RIMKLA: variants seen among roughly 807,000 people sequenced by gnomAD.
The protein encoded by RIMKLA is N-acetylaspartylglutamate synthase A.
Under a neutral mutation model 32.7 loss-of-function variants are expected in RIMKLA, and 14 were observed. The observed-to-expected ratio is 0.43, with a 90% CI of 0.28 to 0.67. The LOEUF (loss-of-function observed/expected upper bound fraction) is 0.67. Ranked by LOEUF, RIMKLA falls within the 30% of genes least tolerant of loss-of-function variation. RIMKLA has a pLI of 0.18. For synonymous variants in RIMKLA, 176 were observed against 204.1 expected, an observed-to-expected ratio of 0.86 and a Z score of 1.18; for missense variants, 410 against 519.0, an observed-to-expected ratio of 0.79 and a Z score of 2.04.
intron 4 of RIMKLA, among the ~76,000 whole-genome samples, chr1:42,412,171 T>C (rs1643204001): frequency 6.6e-6 from 1 of 152,176 alleles, no homozygotes; most frequent in African/African-American, 2.4e-5. Flanking sequence ...GAAGGGACAT[T>C]GTTAAGGTAA....
At chr1:42,413,979 C>T (rs1178971904) in intron 4 of RIMKLA, among the ~76,000 whole-genome samples, 5 of 151,396 alleles carry the variant, frequency 3.3e-5, no homozygotes, top group South Asian at 2.1e-4. Context: ...CTGGTCCAAA[C>T]GCTTGGCCTC....
intron 1 of RIMKLA, among the ~76,000 whole-genome samples, chr1:42,396,236 CAAAA>C (rs11363612): frequency 3.3e-5 from 2 of 60,902 alleles, no homozygotes; most frequent in African/African-American, 1.5e-4. Context: ...AACTCCATCT[CAAAA>C]AAAAAAAAAA....
chr1:42,384,523 GTATA>G (rs1434267142), intron 1 of RIMKLA, among the ~76,000 whole-genome samples: 6 of 142,636 alleles, frequency 4.2e-5, no homozygotes, highest in Non-Finnish European at 7.7e-5. Context: ...ATATATGTGT[GTATA>G]TATACATATA....
At chr1:42,386,835 A>T (rs1003607750) in intron 1 of RIMKLA, among the ~76,000 whole-genome samples, 15 of 151,740 alleles carry the variant, frequency 9.9e-5, no homozygotes, top group African/African-American at 3.4e-4. Flanking sequence ...CAGTGAGCTG[A>T]GATTACGCCA....
chr1:42,412,838 TA>T lies in RIMKLA; in HGVS notation c.686-1641del, dbSNP rs1643211714. On this transcript the variant is annotated intron_variant, in intron 4 of 4. Transcript: ENST00000431473. ...CGGAAGAAGGAGCCATCTCTCTTCT[TA>T]AAAATCAATAAATTGGCCAGGTGTG... The T allele has an allele frequency of 6.3e-5, 16 of 252,980 alleles. 1 individual carries two copies. The highest frequency in any genetic ancestry group is 5.9e-4 in the South Asian group (16 of 27,084). The allele number at this position is 252,980 out of a possible 1,614,324, so 15.7% of individuals were successfully genotyped here. A position where few individuals can be genotyped will look rare whatever the true frequency, so the allele number is the denominator to read the frequency against.
intron 3 of RIMKLA, among the ~76,000 whole-genome samples, chr1:42,407,351 TA>T (rs980582383): frequency 1.0e-5 from 1 of 98,262 alleles, no homozygotes; most frequent in Non-Finnish European, 2.4e-5. Context: ...CTAACTTGTC[TA>T]TTTTTTTTTG....
intron 4 of RIMKLA, among the ~76,000 whole-genome samples, chr1:42,411,651 T>TTA (rs1174733056): frequency 4.8e-5 from 1 of 20,756 alleles, no homozygotes; most frequent in Non-Finnish European, 1.1e-4. Context: ...ATTTTTATTA[T>TTA]TTATTTATTT....
chr1:42,411,939 G>C (rs975625696), intron 4 of RIMKLA, among the ~76,000 whole-genome samples: 1 of 152,088 alleles, frequency 6.6e-6, no homozygotes, highest in African/African-American at 2.4e-5. Context: ...CAAAGTGCTG[G>C]GATTACAGGT....
Position 42,414,027 on chromosome 1 carries a change from A to G in RIMKLA, c.686-457A>G, listed in dbSNP as rs572653938. On this transcript the variant is annotated intron_variant, in intron 4 of 4. Transcript: ENST00000431473. The stretch of plus-strand genomic sequence containing the variant: ...CACGTCAGCCTCCCAAAGTGCTGGG[A>G]TTACAGGCGTGAGTCACTGCACCCA... Among the ~76,000 whole-genome samples, 4 of 151,814 alleles carry G rather than the reference A, an allele frequency of 2.6e-5. No homozygotes were observed. The East Asian group carries it at 8.0e-4, about 30-fold the overall frequency.
chr1:42,384,073 G>A (rs1642913487), intron 1 of RIMKLA, among the ~76,000 whole-genome samples: 1 of 152,188 alleles, frequency 6.6e-6, no homozygotes, highest in African/African-American at 2.4e-5. Context: ...TATGGGCAGT[G>A]CCTCAGTCTA....
intron 2 of RIMKLA, among the ~76,000 whole-genome samples, chr1:42,403,937 C>G (rs1238658108): frequency 1.3e-5 from 2 of 152,218 alleles, no homozygotes; most frequent in Non-Finnish European, 2.9e-5. Flanking sequence ...TGGGGACATT[C>G]TCTGCTAGAG....
At chr1:42,392,828 C>T (rs1230373852) in intron 1 of RIMKLA, among the ~76,000 whole-genome samples, 1 of 152,020 alleles carries the variant, frequency 6.6e-6, no homozygotes, top group Non-Finnish European at 1.5e-5. Context: ...CCCGTCTCTA[C>T]AAAAAATACA....
Position 42,422,842 on chromosome 1 carries a change from C to G in RIMKLA, c.*7868C>G, listed in dbSNP as rs939634599. ...AAGATGATGGAGGAAAATACTAATG[C>G]AGATGGCGTGAGCTTGTCACGGGCC... On this transcript the variant is annotated 3_prime_UTR_variant, in exon 5 of 5. Transcript: ENST00000431473. Among the ~76,000 whole-genome samples, 1 of 152,192 alleles carries G rather than the reference C, an allele frequency of 6.6e-6. No homozygotes were observed. Among genetic ancestry groups the G allele is most frequent in the African/African-American group, 2.4e-5 (1 of 41,436 alleles).
chr1:42,393,151 TTC>T (rs1643014598), intron 1 of RIMKLA, among the ~76,000 whole-genome samples: 1 of 152,206 alleles, frequency 6.6e-6, no homozygotes, highest in Non-Finnish European at 1.5e-5. Context: ...CCTCATTCCC[TTC>T]TCTATGCCCC....
At chr1:42,406,152 C>T (rs988949523) in intron 3 of RIMKLA, among the ~76,000 whole-genome samples, 7 of 152,010 alleles carry the variant, frequency 4.6e-5, no homozygotes, top group African/African-American at 9.7e-5. Context: ...GAGTAGCTTA[C>T]GTTGTAGAAA....
intron 1 of RIMKLA, among the ~76,000 whole-genome samples, chr1:42,387,303 C>T (rs969573451): frequency 1.3e-5 from 2 of 152,000 alleles, no homozygotes; most frequent in African/African-American, 2.4e-5. Context: ...GTGGAATGCA[C>T]CTGTAGTCTC....
Position 42,381,012 on chromosome 1 carries a change from C to A in RIMKLA, c.78C>A (p.Leu26=). The A allele has an allele frequency of 7.0e-7, 1 of 1,428,960 alleles. No homozygotes were observed. The highest frequency in any genetic ancestry group is 9.2e-7 in the Non-Finnish European group (1 of 1,090,464). 88.5% of individuals were successfully genotyped at this position (1,428,960 alleles called of 1,614,324 possible). The part of the protein sequence containing the change: ...DYPQVQILRA[L]RQRCSEQDVR... ...CGCAGGTGCAGATCCTGCGCGCCCT[C>A]CGGCAGCGCTGCTCCGAGCAGGACG... Residue 26 remains leucine (L), a synonymous_variant, in exon 1 of 5, where the codon CTC becomes CTA. Transcript: ENST00000431473.
intron 1 of RIMKLA, among the ~76,000 whole-genome samples, chr1:42,393,883 C>T (rs528068973): frequency 6.6e-6 from 1 of 152,310 alleles, no homozygotes; most frequent in South Asian, 2.1e-4. Flanking sequence ...CTCCCGGGTT[C>T]AAGCAATTCT....
chr1:42,391,351 G>C (rs890237606), intron 1 of RIMKLA, among the ~76,000 whole-genome samples: 1 of 152,170 alleles, frequency 6.6e-6, no homozygotes, highest in Admixed American at 6.5e-5. Context: ...AAGGGGTGAT[G>C]TGTTGTGTGG....
Sources: allele counts gnomAD v4.1 joint callset (sites outside exome capture counted in the v4.1 genomes callset), GRCh38; gene constraint gnomAD v4.1.1; transcripts MANE v1.5; gene names NCBI Gene and HGNC (gene_info 2026-07-23, HGNC 2026-07-21).